The following PIK3C2G variants were observed in gnomAD, a reference collection of about 807,000 sequenced individuals.
PIK3C2G encodes phosphatidylinositol 3-kinase C2 domain-containing subunit gamma.
A neutral mutation model predicts 181.1 loss-of-function variants in PIK3C2G; 168 were observed. The ratio of observed to expected loss-of-function variants is 0.93; its 90% CI spans 0.82 to 1.05. The LOEUF (loss-of-function observed/expected upper bound fraction) is 1.05. Ranked by LOEUF, PIK3C2G falls within the 50% of genes least tolerant of loss-of-function variation. The pLI is 0.00. For missense variants in PIK3C2G, 1,869 were observed against 1,732.8 expected (o/e 1.08, Z -1.40); for synonymous variants, 573 against 592.2 (o/e 0.97, Z 0.47).
chr12:18,528,213 T>C (rs1260556378), intron 24 of PIK3C2G, among the ~76,000 whole-genome samples: 1 of 152,190 alleles, frequency 6.6e-6, no homozygotes, highest in East Asian at 1.9e-4. Context: ...ACTTGTGTTC[T>C]TTCTGCTGAA....
chr12:18,243,301 T>G (rs1591753948), upstream of PIK3C2G, among the ~76,000 whole-genome samples: 1 of 151,914 alleles, frequency 6.6e-6, no homozygotes, highest in East Asian at 1.9e-4. Flanking sequence ...AATTACTACA[T>G]TTGCAGGTGT....
At chr12:18,441,693 T>G (rs148725397) in intron 18 of PIK3C2G, among the ~76,000 whole-genome samples, 1 of 152,160 alleles carries the variant, frequency 6.6e-6, no homozygotes. Context: ...CTTTGTTTTC[T>G]GTATGCAACA....
rs530130750 is a variant in PIK3C2G, at chr12:18,539,558, T to C, written c.3480+1246T>C. Among the ~76,000 whole-genome samples, 3 of 152,046 alleles carry C rather than the reference T, an allele frequency of 2.0e-5. No homozygotes were observed. In the South Asian group the frequency reaches 6.2e-4, roughly 32 times the overall value. On this transcript the variant is annotated intron_variant, in intron 25 of 32. Transcript: ENST00000538779. ...CAAAATTTAAAATTCCAGTCTTCAA[T>C]TTCACTGATCACATTTCAAGTACTC...
At chr12:18,303,102 C>T (rs1950248084) in intron 5 of PIK3C2G, among the ~76,000 whole-genome samples, 1 of 106,662 alleles carries the variant, frequency 9.4e-6, no homozygotes, top group Admixed American at 1.1e-4. Flanking sequence ...TTTTCTTTCT[C>T]TTTCTTTCTT....
intron 5 of PIK3C2G, among the ~76,000 whole-genome samples, chr12:18,294,801 T>G (rs1949862033): frequency 6.6e-6 from 1 of 151,928 alleles, no homozygotes; most frequent in Admixed American, 6.6e-5. Flanking sequence ...ATATCCCCTT[T>G]GCATCTCTAC....
chr12:18,613,475 A>G (rs1018810866), intron 31 of PIK3C2G, among the ~76,000 whole-genome samples: 3 of 152,076 alleles, frequency 2.0e-5, no homozygotes, highest in East Asian at 1.9e-4. Flanking sequence ...CCCCCCACAC[A>G]CTAAAACTGT....
At chr12:18,688,018 T>C in the PIK3C2G span, 1 of 1,575,644 alleles carries the variant, frequency 6.3e-7, no homozygotes. Context: ...AAAAACTCTA[T>C]CAACATATAA....
At chr12:18,321,820 T>C (rs1190747626) in intron 7 of PIK3C2G, among the ~76,000 whole-genome samples, 1 of 152,118 alleles carries the variant, frequency 6.6e-6, no homozygotes, top group Non-Finnish European at 1.5e-5. Flanking sequence ...GCCATTATCC[T>C]CAACAAACTA....
In PIK3C2G at chr12:18,563,442, GT is replaced by G; in HGVS notation, c.3850del (p.Ser1284GlnfsTer14). On this transcript the variant is annotated frameshift_variant, in exon 28 of 33. Coordinates refer to ENST00000538779, the MANE Select transcript of PIK3C2G (RefSeq NM_001288772.2). LOFTEE classifies it high-confidence loss of function. ...GCCTGACAGAAAAATCATTTGAGCA[GT>G]TTTCAAAACTTCACAGCCAACTTCA... ...TSLTEKSFEQ[F>X]SKLHSQLQKQ... 1 of 1,613,734 alleles carries G rather than the reference GT, an allele frequency of 6.2e-7. No individual in the cohort carries two copies. Among genetic ancestry groups the G allele is most frequent in the Non-Finnish European group, 8.5e-7 (1 of 1,179,714 alleles).
Position 18,405,953 on chromosome 12 carries a change from G to A in PIK3C2G, c.2315+6106G>A, listed in dbSNP as rs183042193. Among the ~76,000 whole-genome samples, 420 of 152,036 alleles carry A rather than the reference G, an allele frequency of 2.8e-3. 8 individuals carry two copies. The highest frequency in any genetic ancestry group is 9.0e-4 in the Non-Finnish European group (61 of 67,972). ...CATTGTTATTAACTCTGATCTCCAC[G>A]CAGTGCAATAGATCACAGAAATTTA... On this transcript the variant is annotated intron_variant, in intron 16 of 32. Transcript: ENST00000538779.
chr12:18,683,190 CTGTTTTATTGCGA>C, the PIK3C2G span: 2 of 1,480,574 alleles, frequency 1.4e-6, no homozygotes, highest in Non-Finnish European at 1.9e-6. Flanking sequence ...TTCATTTTGG[CTGTTTTATTGCGA>C]TGCATAGCTA....
the PIK3C2G span, among the ~76,000 whole-genome samples, chr12:18,681,183 C>T: frequency 6.6e-6 from 1 of 151,882 alleles, no homozygotes; most frequent in Non-Finnish European, 1.5e-5. Flanking sequence ...CTCCTAGCAA[C>T]ACTAAAGTCT....
chr12:18,423,643 T>C (rs934049768), intron 17 of PIK3C2G, among the ~76,000 whole-genome samples: 12 of 152,138 alleles, frequency 7.9e-5, no homozygotes, highest in African/African-American at 2.7e-4. Flanking sequence ...TATTTAATAA[T>C]CCAGGACTTT....
intron 24 of PIK3C2G, among the ~76,000 whole-genome samples, chr12:18,512,359 G>T (rs2136146385): frequency 6.6e-6 from 1 of 151,890 alleles, no homozygotes; most frequent in South Asian, 2.1e-4. Flanking sequence ...AATGACATCT[G>T]GTTTTTATAG....
At chr12:18,476,358 G>C (rs971635314) in intron 18 of PIK3C2G, among the ~76,000 whole-genome samples, 6 of 152,226 alleles carry the variant, frequency 3.9e-5, no homozygotes, top group Admixed American at 2.6e-4. Flanking sequence ...AACATGATTG[G>C]AAATATGAGA....
intron 18 of PIK3C2G, among the ~76,000 whole-genome samples, chr12:18,474,385 G>A (rs140789108): frequency 2.6e-5 from 4 of 152,146 alleles, no homozygotes; most frequent in East Asian, 1.9e-4. Flanking sequence ...AAACAGAAAC[G>A]GAACTGGTAA....
At chr12:18,717,367 T>C in the PIK3C2G span, among the ~76,000 whole-genome samples, 1 of 152,200 alleles carries the variant, frequency 6.6e-6, no homozygotes, top group Non-Finnish European at 1.5e-5. Flanking sequence ...TACTTAGATT[T>C]GAAATTAGAG....
the PIK3C2G span, among the ~76,000 whole-genome samples, chr12:18,691,705 A>G: frequency 6.6e-6 from 1 of 152,164 alleles, no homozygotes; most frequent in Admixed American, 6.6e-5. Context: ...TTATAATAGC[A>G]TTGTAAAGTG....
intron 16 of PIK3C2G, among the ~76,000 whole-genome samples, chr12:18,406,232 A>G (rs1944521518): frequency 6.6e-6 from 1 of 152,230 alleles, no homozygotes; most frequent in Non-Finnish European, 1.5e-5. Flanking sequence ...AAGGATGAAC[A>G]GTATTACATT....
Sources: allele counts gnomAD v4.1 joint callset (sites outside exome capture counted in the v4.1 genomes callset), GRCh38; gene constraint gnomAD v4.1.1; transcripts MANE v1.5; gene names NCBI Gene and HGNC (gene_info 2026-07-23, HGNC 2026-07-21).